The following COL17A1 variants were observed in gnomAD, a reference collection of about 807,000 sequenced individuals.
COL17A1 encodes collagen alpha-1(XVII) chain.
COL17A1 carries 181 observed loss-of-function variants against 218.4 expected under a neutral mutation model. The ratio of observed to expected loss-of-function variants is 0.83; its 90% confidence interval spans 0.73 to 0.94. The LOEUF is 0.94. COL17A1 is among the 40% of genes least tolerant of loss of function. COL17A1 has a pLI of 0.00. For missense variants in COL17A1, 1,924 were observed against 1,945.9 expected (o/e 0.99, Z 0.21); for synonymous variants, 721 against 731.0 (o/e 0.99, Z 0.22).
Position 104,036,518 on chromosome 10 carries a change from C to T in COL17A1, c.3392G>A (p.Ser1131Asn). ...CGACATGTAGCTGAGAATGCGACTA[C>T]TCAGCTCTGCATAGTCCAAAGACAG... is the stretch of plus-strand genomic sequence containing the variant. ...SLLSLDYAELSSRILSYMSSS... is the reference protein window; with the variant it reads ...SLLSLDYAELNSRILSYMSSS... The change falls in exon 48 of 56, where the codon AGT (serine) becomes AAT (asparagine). Residue 1131 changes from serine to asparagine, a missense_variant. Transcript: ENST00000648076. The T allele has an allele frequency of 6.2e-7, 1 of 1,614,000 alleles. No homozygotes were observed. Among genetic ancestry groups the T allele is most frequent in the Non-Finnish European group, 8.5e-7 (1 of 1,179,948 alleles).
intron 14 of COL17A1, 92 bp downstream of exon 14, chr10:104,060,027 T>C (rs2086567718): frequency 2.5e-6 from 4 of 1,584,048 alleles, no homozygotes; most frequent in Non-Finnish European, 2.6e-6. Flanking sequence ...GTTTCATGAC[T>C]CATAGGGTCC....
intron 44 of COL17A1, 111 bp from the exon 45 acceptor site, chr10:104,038,639 A>G (rs2086327194): frequency 7.3e-7 from 1 of 1,379,270 alleles, no homozygotes; most frequent in Non-Finnish European, 1.0e-6. Flanking sequence ...CAGGAGGAGA[A>G]ATAGGATAGT....
chr10:104,084,909 C>T (rs2086793572), intron 1 of COL17A1, among the ~76,000 whole-genome samples: 2 of 152,304 alleles, frequency 1.3e-5, no homozygotes, highest in South Asian at 4.1e-4. Context: ...TTAACTACTT[C>T]TCAAAAGAAG....
rs1298847483 is a variant in COL17A1, at chr10:104,055,642, C to T, written c.1687+140G>A. 61 of 1,266,708 alleles carry T rather than the reference C, an allele frequency of 4.8e-5. No individual in the cohort carries two copies. The South Asian group carries it at 6.0e-4, about 12-fold the overall frequency. The allele number at this position is 1,266,708 out of a possible 1,614,324, so 78.5% of individuals were successfully genotyped here. A position where few individuals can be genotyped will look rare whatever the true frequency, so the allele number is the denominator to read the frequency against. ...AGTCTTGGTCCCACCTACCTCTCAGCGCTATTGAGAGGATCAGGGGAGGAG... is the reference window on the plus strand; with the variant it reads ...AGTCTTGGTCCCACCTACCTCTCAGTGCTATTGAGAGGATCAGGGGAGGAG... On this transcript the variant is annotated intron_variant, in intron 18 of 55. Transcript: ENST00000648076.
chr10:104,064,011 T>C (rs1054651310), intron 10 of COL17A1, among the ~76,000 whole-genome samples, 193 bp from the exon 11 acceptor site: 6 of 152,214 alleles, frequency 3.9e-5, no homozygotes, highest in Admixed American at 1.3e-4. Flanking sequence ...GCACCTTGGG[T>C]CACAGCCAAC....
At chr10:104,035,825 T>TATGGGA (rs1480623273) in intron 48 of COL17A1, among the ~76,000 whole-genome samples, 13 of 151,908 alleles carry the variant, frequency 8.6e-5, no homozygotes, top group Middle Eastern at 3.4e-3. Context: ...TGAGTGTGTG[T>TATGGGA]GTGTATGGGA....
At position 104,085,764 on chromosome 10, in the gene COL17A1, A is replaced by G. The variant is rs1208359702; in HGVS notation, c.-53T>C. 6.6e-6 allele frequency: 1 copy of G among 152,602 alleles called. No homozygotes were observed. The highest frequency in any genetic ancestry group is 1.5e-5 in the Non-Finnish European group (1 of 68,012). 9.5% of individuals were successfully genotyped at this position (152,602 alleles called of 1,614,324 possible). ...AAGGAATTGGAAACAACTTTGAATA[A>G]ATCCCCCTCTCTCTTTCTTCTCCTG... On this transcript the variant is annotated 5_prime_UTR_variant, in exon 1 of 56. Transcript: ENST00000648076.
At chr10:104,084,351 C>T (rs7087151) in intron 1 of COL17A1, among the ~76,000 whole-genome samples, 4,367 of 151,096 alleles carry the variant, frequency 0.029, 223 homozygotes, top group African/African-American at 0.1. Context: ...GCTGTGTTGC[C>T]CAGGTGGGAG....
intron 48 of COL17A1, among the ~76,000 whole-genome samples, chr10:104,036,070 GTA>G: frequency 7.0e-6 from 1 of 143,724 alleles, no homozygotes. Context: ...GGGAGTATGT[GTA>G]TGGGAGTGTG....
rs139559170 is a variant in COL17A1, at chr10:104,049,428, G to A, written c.2208C>T (p.Pro736=). ...MRGLPGAVGE[P]GAKGAMGPAG... ...ACTTACCCATTGCTCCTTTAGCCCC[G>A]GGCTCACCAACAGCACCAGGCAAAC... Residue 736 remains proline, a synonymous_variant, in exon 29 of 56, where the codon CCC becomes CCT. Coordinates refer to ENST00000648076, the MANE Select transcript of COL17A1 (RefSeq NM_000494.4). The A allele has an allele frequency of 2.2e-3, 3,577 of 1,614,166 alleles. 91 individuals carry two copies. In the South Asian group the frequency reaches 0.033, roughly 15 times the overall value.
At chr10:104,040,511 C>G in intron 39 of COL17A1, 101 bp from the exon 40 acceptor site, 1 of 538,010 alleles carries the variant, frequency 1.9e-6, no homozygotes, top group Non-Finnish European at 3.5e-6. Context: ...CAATACTTGT[C>G]AAATAGTTGG....
In COL17A1 at chr10:104,050,829, A is replaced by C. The variant is rs752831541; in HGVS notation, c.2092+19T>G. 1 of 1,613,970 alleles carries C rather than the reference A, an allele frequency of 6.2e-7. No individual in the cohort carries two copies. Among genetic ancestry groups the C allele is most frequent in the Non-Finnish European group, 8.5e-7 (1 of 1,179,990 alleles). On this transcript the variant is annotated intron_variant, in intron 26 of 55. Transcript: ENST00000648076. ...TCCATCAGACCCTCACTGTCCCCCC[A>C]GGCCTCCCTCCAGCTTACCTTTGAC...
In COL17A1 at chr10:104,035,360, T is replaced by C; in HGVS notation, c.3522A>G (p.Arg1174=). ...GGGGACCTGGGGGTCCAACGATGCC[T>C]CTGAATTCAGACCCTGAGACACCAA... ...LLSLLRGSEF[R]GIVGPPGPPG... The change falls in exon 50 of 56, where the codon AGA becomes AGG. Residue 1174 remains arginine, a synonymous_variant. Coordinates refer to ENST00000648076, the MANE Select transcript of COL17A1 (RefSeq NM_000494.4). 6.2e-7 allele frequency: 1 copy of C among 1,613,722 alleles called. No individual in the cohort carries two copies. Among genetic ancestry groups the C allele is most frequent in the Non-Finnish European group, 8.5e-7 (1 of 1,179,850 alleles).
intron 16 of COL17A1, 56 bp downstream of exon 16, chr10:104,058,090 A>T: frequency 1.2e-6 from 2 of 1,610,708 alleles, no homozygotes; most frequent in South Asian, 2.2e-5. Flanking sequence ...CTGGTCCATT[A>T]GCCATAAGCA....
At chr10:104,059,900 G>A (rs181929266) in intron 14 of COL17A1, among the ~76,000 whole-genome samples, 182 bp from the exon 15 acceptor site, 45 of 152,134 alleles carry the variant, frequency 3.0e-4, no homozygotes, top group Middle Eastern at 3.4e-3. Context: ...ACTTGCTGTC[G>A]CCCAAATGCC....
chr10:104,049,462 C>T lies in COL17A1; in HGVS notation c.2174G>A (p.Gly725Asp). 1 of 1,614,216 alleles carries T rather than the reference C, an allele frequency of 6.2e-7. No individual in the cohort carries two copies. Among genetic ancestry groups the T allele is most frequent in the Non-Finnish European group, 8.5e-7 (1 of 1,180,018 alleles). Residue 725 changes from glycine to aspartate, a missense_variant, in exon 29 of 56, where the codon GGC becomes GAC. Gly to Asp is a moderately conservative substitution (Grantham distance 94). Coordinates refer to ENST00000648076, the MANE Select transcript of COL17A1 (RefSeq NM_000494.4). ...KGPRGLTGEP[G>D]MRGLPGAVGE... ...AACAGCACCAGGCAAACCTCTCATG[C>T]CAGGCTCGCCTGCAAAGGACAAAGA...
chr10:104,055,084 C>A (rs1338727841), intron 19 of COL17A1, 77 bp from the exon 20 acceptor site: 3 of 1,602,938 alleles, frequency 1.9e-6, no homozygotes, highest in East Asian at 4.5e-5. Context: ...ATTTTAAAAC[C>A]ATTTGACAAG....
intron 36 of COL17A1, among the ~76,000 whole-genome samples, chr10:104,042,059 C>T (rs915239589): frequency 8.5e-5 from 13 of 152,150 alleles, no homozygotes; most frequent in African/African-American, 2.9e-4. Context: ...GTGGGAGGCC[C>T]GGCAGTCTCC....
intron 44 of COL17A1, 78 bp downstream of exon 44, chr10:104,038,993 T>C: frequency 7.7e-6 from 11 of 1,426,820 alleles, no homozygotes; most frequent in Non-Finnish European, 1.1e-5. Flanking sequence ...AATGAACGAA[T>C]AGAGCAACAT....
Sources: gnomAD v4.1 joint callset for allele counts (sites outside exome capture counted in the v4.1 genomes callset) on GRCh38, gnomAD v4.1.1 for gene constraint, MANE v1.5 for transcripts, NCBI Gene and HGNC (gene_info 2026-07-23, HGNC 2026-07-21) for gene names.